PXDNL: variants seen among roughly 807,000 people sequenced by gnomAD.
PXDNL encodes the protein peroxidasin like, also known as probable oxidoreductase PXDNL.
A neutral mutation model predicts 150.8 loss-of-function variants in PXDNL; 145 were observed. The ratio of observed to expected loss-of-function variants is 0.96; its 90% CI spans 0.84 to 1.10. The LOEUF (loss-of-function observed/expected upper bound fraction) is 1.10, where lower values mean the gene tolerates loss of function less well. Ranked by LOEUF, PXDNL falls within the 50% of genes least tolerant of loss-of-function variation. The probability of loss-of-function intolerance (pLI) is 0.00; values close to 1 mark genes in which losing one functional copy is unlikely to be tolerated. For synonymous variants in PXDNL, 757 were observed against 725.7 expected (o/e 1.04, Z -0.69); for missense variants, 2,087 against 1,873.9 (o/e 1.11, Z -2.10).
chr8:51,631,193 T>C (rs1814482475), intron 2 of PXDNL, among the ~76,000 whole-genome samples: 2 of 151,940 alleles, frequency 1.3e-5, no homozygotes, highest in Non-Finnish European at 2.9e-5. Flanking sequence ...GAAAACCAAA[T>C]ACCACATGTT....
chr8:51,597,705 A>G (rs1293754983), intron 2 of PXDNL, among the ~76,000 whole-genome samples: 1 of 144,066 alleles, frequency 6.9e-6, no homozygotes, highest in Non-Finnish European at 1.5e-5. Flanking sequence ...TGTAAATAGG[A>G]TTGCATTTTT....
chr8:51,378,048 C>A (rs1807396996), intron 17 of PXDNL, among the ~76,000 whole-genome samples: 1 of 152,234 alleles, frequency 6.6e-6, no homozygotes, highest in South Asian at 2.1e-4. Context: ...CACCAATTAG[C>A]ACTCTGTGTC....
At chr8:51,534,812 G>C (rs867058099) in intron 4 of PXDNL, among the ~76,000 whole-genome samples, 4 of 100,850 alleles carry the variant, frequency 4.0e-5, no homozygotes, top group African/African-American at 1.4e-4. Flanking sequence ...TCAGCCCCCC[G>C]CCCGGCCAGC....
At chr8:51,347,902 T>TA (rs150529389) in intron 19 of PXDNL, among the ~76,000 whole-genome samples, 3,577 of 149,058 alleles carry the variant, frequency 0.024, 114 homozygotes, top group African/African-American at 0.081. Context: ...CAGCTCTGAG[T>TA]AAAAAAAAAA....
Position 51,475,069 on chromosome 8 carries a change from G to A in PXDNL, c.597C>T (p.Ala199=). 6.2e-7 allele frequency: 1 copy of A among 1,613,858 alleles called. No individual in the cohort carries two copies. Among genetic ancestry groups the A allele is most frequent in the South Asian group, 1.1e-5 (1 of 91,058 alleles). Residue 199 remains alanine (A), a synonymous_variant, in exon 7 of 23, where the codon GCC becomes GCT. Coordinates refer to ENST00000356297, the MANE Select transcript of PXDNL (RefSeq NM_144651.5). The part of the protein sequence containing the change: ...MWLGELLQGF[A]QHGHTQAAAT... The stretch of plus-strand genomic sequence containing the variant: ...CCGCAGCCTGGGTGTGGCCGTGTTG[G>A]GCAAAGCCTTGTAAAAGCTCCCCCA...
intron 1 of PXDNL, among the ~76,000 whole-genome samples, chr8:51,803,723 CTTCT>C (rs566362248): frequency 1.2e-3 from 190 of 152,286 alleles, no homozygotes; most frequent in African/African-American, 4.3e-3. Flanking sequence ...GGCTTTTGTT[CTTCT>C]TTGTGTTTAC....
intron 3 of PXDNL, among the ~76,000 whole-genome samples, chr8:51,588,362 T>A (rs1813372230): frequency 6.6e-6 from 1 of 152,202 alleles, no homozygotes; most frequent in Admixed American, 6.5e-5. Flanking sequence ...GGTACATGAA[T>A]GTGTTCACCA....
chr8:51,384,979 C>T (rs988966828), intron 17 of PXDNL, among the ~76,000 whole-genome samples: 7 of 152,052 alleles, frequency 4.6e-5, no homozygotes, highest in Admixed American at 4.6e-4. Context: ...AAGGCAGAGA[C>T]ATCAACAATA....
chr8:51,733,266 G>T (rs189875392), intron 1 of PXDNL, among the ~76,000 whole-genome samples: 5 of 152,318 alleles, frequency 3.3e-5, no homozygotes, highest in Admixed American at 1.3e-4. Flanking sequence ...GATAAGTAAC[G>T]TATTTTCCTC....
chr8:51,351,721 C>T (rs1171505608), intron 19 of PXDNL, among the ~76,000 whole-genome samples: 2 of 152,176 alleles, frequency 1.3e-5, no homozygotes, highest in African/African-American at 4.8e-5. Context: ...GTTAGTTGGG[C>T]TACATTCTCA....
In PXDNL at chr8:51,496,643, A is replaced by G. The variant is rs545617129; in HGVS notation, c.452+3056T>C. On this transcript the variant is annotated intron_variant, in intron 5 of 22. Transcript: ENST00000356297. Reference sequence around the variant, plus strand: ...TCACAAGCATTCTTATACACCAATAACAGACAAACAGAGAGCCAAATCATG... The same window carrying G: ...TCACAAGCATTCTTATACACCAATAGCAGACAAACAGAGAGCCAAATCATG... Among the ~76,000 whole-genome samples the G allele has an allele frequency of 8.1e-4, 123 of 152,292 alleles. No individual in the cohort carries two copies. In the Middle Eastern group the frequency reaches 0.034, roughly 42 times the overall value.
At chr8:51,446,196 T>C (rs1563415356) in intron 12 of PXDNL, among the ~76,000 whole-genome samples, 1 of 152,246 alleles carries the variant, frequency 6.6e-6, no homozygotes, top group African/African-American at 2.4e-5. Context: ...CGTTGATGCA[T>C]GCAGCAGAGC....
At chr8:51,376,088 T>C (rs1807298792) in intron 17 of PXDNL, among the ~76,000 whole-genome samples, 1 of 152,236 alleles carries the variant, frequency 6.6e-6, no homozygotes, top group African/African-American at 2.4e-5. Context: ...ATGAAATTGA[T>C]GTATGATTCA....
At chr8:51,789,712 A>G (rs2037493115) in intron 1 of PXDNL, among the ~76,000 whole-genome samples, 1 of 152,180 alleles carries the variant, frequency 6.6e-6, no homozygotes, top group Non-Finnish European at 1.5e-5. Context: ...TTCCTAACAT[A>G]CACCAGACTT....
chr8:51,513,213 C>T (rs867928816), intron 4 of PXDNL, among the ~76,000 whole-genome samples: 22 of 152,330 alleles, frequency 1.4e-4, no homozygotes, highest in Middle Eastern at 3.4e-3. Context: ...CTGATGCCCA[C>T]AGGTGAGGCT....
At chr8:51,426,624 G>T in intron 13 of PXDNL, 22 bp downstream of exon 13, 1 of 1,308,934 alleles carries the variant, frequency 7.6e-7, no homozygotes, top group Non-Finnish European at 1.1e-6. Flanking sequence ...TAATATTACT[G>T]TACTTTTAGT....
intron 1 of PXDNL, among the ~76,000 whole-genome samples, chr8:51,769,964 G>A (rs2037273978): frequency 6.6e-6 from 1 of 152,084 alleles, no homozygotes; most frequent in Admixed American, 6.6e-5. Context: ...GAGGTCAGAG[G>A]GCCAAAATCT....
chr8:51,696,310 TAAG>T (rs1285466102), intron 1 of PXDNL, among the ~76,000 whole-genome samples: 6 of 152,182 alleles, frequency 3.9e-5, no homozygotes, highest in Admixed American at 2.6e-4. Context: ...ATTGCCGTTA[TAAG>T]AAGAGGAAGA....
chr8:51,567,795 C>T (rs190867438), intron 3 of PXDNL, among the ~76,000 whole-genome samples: 198 of 151,804 alleles, frequency 1.3e-3, no homozygotes, highest in African/African-American at 3.6e-3. Context: ...TAAAACGATG[C>T]GACATTTACA....
Sources: gnomAD v4.1 joint callset for allele counts (sites outside exome capture counted in the v4.1 genomes callset) on GRCh38, gnomAD v4.1.1 for gene constraint, MANE v1.5 for transcripts, NCBI Gene and HGNC (gene_info 2026-07-23, HGNC 2026-07-21) for gene names.